Variants in NLRC5 observed in about 807,000 individuals in gnomAD.
NLRC5 encodes the protein NLR family CARD domain containing 5.
NLRC5 carries 114 observed loss-of-function variants against 206.9 expected under a neutral mutation model. The ratio of observed to expected loss-of-function variants is 0.55; its 90% CI spans 0.47 to 0.64. The LOEUF (loss-of-function observed/expected upper bound fraction) is 0.64. Among genes scored for constraint, NLRC5 ranks in the 30% least tolerant of loss-of-function variants. The pLI is 0.00. For missense variants in NLRC5, 2,008 were observed against 2,305.5 expected, an observed-to-expected ratio of 0.87 and a Z score of 2.64; for synonymous variants, 952 against 962.8, an observed-to-expected ratio of 0.99 and a Z score of 0.21.
chr16:57,073,950 G>A (rs1463191388), intron 38 of NLRC5, among the ~76,000 whole-genome samples: 1 of 152,108 alleles, frequency 6.6e-6, no homozygotes, highest in Non-Finnish European at 1.5e-5. Context: ...CTGTTCTTTG[G>A]CCTCCTCATC....
chr16:56,993,242 T>C (rs1456135960), intron 1 of NLRC5, among the ~76,000 whole-genome samples: 3 of 141,508 alleles, frequency 2.1e-5, no homozygotes, highest in African/African-American at 7.6e-5. Flanking sequence ...CTAACTTGGG[T>C]TTTTTTTTTT....
chr16:57,015,618 A>G (rs560607120), intron 1 of NLRC5, among the ~76,000 whole-genome samples: 1,698 of 151,176 alleles, frequency 0.011, 34 homozygotes, highest in African/African-American at 0.038. Flanking sequence ...AAATAAATAA[A>G]TAAATAAATA....
At chr16:57,054,915 G>A (rs1448864742) in intron 25 of NLRC5, 75 bp downstream of exon 25, 3 of 1,582,776 alleles carry the variant, frequency 1.9e-6, no homozygotes, top group Non-Finnish European at 2.6e-6. Context: ...TGAGGGGGTA[G>A]GATGAAGACA....
chr16:57,013,079 T>C (rs1333555412), intron 1 of NLRC5: 3 of 236,106 alleles, frequency 1.3e-5, no homozygotes, highest in South Asian at 1.3e-4. Flanking sequence ...TTTACCTGTA[T>C]AGTATTTAAA....
rs546528323 is a variant in NLRC5 at position 57,080,577 on chromosome 16, C to T, written c.5322-521C>T. Among the ~76,000 whole-genome samples the T allele has an allele frequency of 1.9e-4, 29 of 149,218 alleles. No individual in the cohort carries two copies. In the South Asian group the frequency reaches 2.3e-3, roughly 12 times the overall value. Reference sequence around the variant, plus strand: ...TCGGCTCACTGCAACCTCCACCTGCCGGGTTCAAGAGATTCTCCTGCCTCA... The same window carrying T: ...TCGGCTCACTGCAACCTCCACCTGCTGGGTTCAAGAGATTCTCCTGCCTCA... On this transcript the variant is annotated intron_variant, in intron 46 of 48. Coordinates refer to ENST00000688547, the MANE Select transcript of NLRC5 (RefSeq NM_001384950.1).
At chr16:57,005,100 C>G (rs560394514) in intron 1 of NLRC5, among the ~76,000 whole-genome samples, 2 of 152,132 alleles carry the variant, frequency 1.3e-5, no homozygotes, top group Non-Finnish European at 2.9e-5. Flanking sequence ...GGTAACACTT[C>G]GAACGGAAAG....
chr16:57,059,455 TTC>T lies in NLRC5; in HGVS notation c.3921-6_3921-5del. The T allele has an allele frequency of 1.2e-6, 2 of 1,603,126 alleles. No homozygotes were observed. The highest frequency in any genetic ancestry group is 1.7e-6 in the Non-Finnish European group (2 of 1,174,766). ...CTGGGCACCGTGCTTCCCCAGGCCC[TTC>T]TCTCTGCAGCCTGGGCTCTGAGCAG... On this transcript the variant is annotated splice_polypyrimidine_tract_variant and intron_variant, in intron 29 of 48. Coordinates refer to ENST00000688547, the MANE Select transcript of NLRC5 (RefSeq NM_001384950.1).
chr16:57,078,994 G>A (rs754244094), intron 43 of NLRC5, 56 bp from the exon 44 acceptor site: 90 of 1,488,964 alleles, frequency 6.0e-5, no homozygotes, highest in Non-Finnish European at 8.0e-5. Context: ...GGCTGAGGGT[G>A]GGGCTCTGGA....
In NLRC5 at chr16:57,033,593, G is replaced by A. The variant is rs1319336468; in HGVS notation, c.2478-11G>A. On this transcript the variant is annotated splice_polypyrimidine_tract_variant and intron_variant, in intron 11 of 48. Coordinates refer to ENST00000688547, the MANE Select transcript of NLRC5 (RefSeq NM_001384950.1). ...CTGAGCCCAGGCCAATGCTTGATTT[G>A]TTCTTGCCAGAGCTCCAGACCTGCA... 1 of 1,613,984 alleles carries A rather than the reference G, an allele frequency of 6.2e-7. No individual in the cohort carries two copies. The highest frequency in any genetic ancestry group is 1.7e-5 in the Admixed American group (1 of 60,026).
intron 1 of NLRC5, among the ~76,000 whole-genome samples, chr16:57,015,708 A>G (rs1290408958): frequency 2.0e-5 from 3 of 151,972 alleles, no homozygotes; most frequent in African/African-American, 7.2e-5. Flanking sequence ...CGGGCAGATC[A>G]CCTGAAGTCG....
rs748032361 is a variant in NLRC5 at position 57,082,377 on chromosome 16, G to C, written c.5490-40G>C. On this transcript the variant is annotated intron_variant, in intron 48 of 48. Coordinates refer to ENST00000688547, the MANE Select transcript of NLRC5 (RefSeq NM_001384950.1). ...ATCTGCAGATACGACAGATGGCAAA[G>C]ATGGGAGGATGAATGAGTGCCTATA... 5.4e-6 allele frequency: 8 copies of C among 1,480,686 alleles called. No homozygotes were observed. The African/African-American group carries it at 1.1e-4, about 20-fold the overall frequency. The allele number at this position is 1,480,686 out of a possible 1,614,324, so 91.7% of individuals were successfully genotyped here.
At chr16:57,072,895 C>T (rs1027550404) in intron 38 of NLRC5, among the ~76,000 whole-genome samples, 4 of 152,062 alleles carry the variant, frequency 2.6e-5, no homozygotes, top group Non-Finnish European at 4.4e-5. Context: ...GAAATTCTTC[C>T]GCTTGTCCCT....
intron 47 of NLRC5, 53 bp from the exon 48 acceptor site, chr16:57,081,474 C>G (rs2069135664): frequency 2.6e-6 from 4 of 1,540,190 alleles, no homozygotes; most frequent in Non-Finnish European, 3.6e-6. Flanking sequence ...ACTCTCACAC[C>G]CATTCTCATG....
chr16:57,008,283 A>T (rs933505105), intron 1 of NLRC5, among the ~76,000 whole-genome samples: 1 of 152,152 alleles, frequency 6.6e-6, no homozygotes, highest in African/African-American at 2.4e-5. Flanking sequence ...GAGCACTTAC[A>T]TTTTCTTAAC....
At chr16:57,064,661 C>T (rs113307459) in intron 32 of NLRC5, among the ~76,000 whole-genome samples, 5,836 of 152,102 alleles carry the variant, frequency 0.038, 375 homozygotes, top group African/African-American at 0.13. Flanking sequence ...CAGTGGCTCA[C>T]GCCTGTAATC....
chr16:57,004,004 G>A (rs1349806562), intron 1 of NLRC5: 1 of 152,376 alleles, frequency 6.6e-6, no homozygotes, highest in Non-Finnish European at 1.5e-5. Context: ...CGGGCCTAGA[G>A]AATGGCAAGA....
chr16:57,022,864 G>GGCAGTAAT (rs1278980872), intron 4 of NLRC5, among the ~76,000 whole-genome samples: 3 of 152,246 alleles, frequency 2.0e-5, no homozygotes, highest in Non-Finnish European at 2.9e-5. Flanking sequence ...CGCTGTGCAT[G>GGCAGTAAT]GCAGTAATGC....
chr16:57,043,217 C>T (rs2063507310), intron 19 of NLRC5, among the ~76,000 whole-genome samples: 1 of 152,108 alleles, frequency 6.6e-6, no homozygotes, highest in Admixed American at 6.5e-5. Context: ...AAAGGAGGCC[C>T]AGCTCCAGCC....
intron 35 of NLRC5, 93 bp downstream of exon 35, chr16:57,067,563 C>A: frequency 7.0e-7 from 1 of 1,421,304 alleles, no homozygotes; most frequent in Non-Finnish European, 9.9e-7. Context: ...ATTCTCACTT[C>A]CTTGTGCAGG....
Sources: allele counts gnomAD v4.1 joint callset (sites outside exome capture counted in the v4.1 genomes callset), GRCh38; gene constraint gnomAD v4.1.1; transcripts MANE v1.5; gene names NCBI Gene and HGNC (gene_info 2026-07-23, HGNC 2026-07-21).